The following MYH9 variants were observed in gnomAD, a reference collection of about 807,000 sequenced individuals.
The protein encoded by MYH9 is myosin-9.
MYH9 carries 29 observed loss-of-function variants against 241.9 expected under a neutral mutation model. That is an observed-to-expected ratio of 0.12 (90% CI 0.09 to 0.16). The LOEUF is 0.16. Among genes scored for constraint, MYH9 ranks in the 10% least tolerant of loss-of-function variants. MYH9 has a pLI of 1.00. For synonymous variants in MYH9, 1,047 were observed against 1,062.6 expected, an observed-to-expected ratio of 0.99 and a Z score of 0.29; for missense variants, 1,803 against 2,595.5, an observed-to-expected ratio of 0.69 and a Z score of 6.63.
At chr22:36,364,525 G>T (rs529357553) in intron 1 of MYH9, among the ~76,000 whole-genome samples, 7 of 152,232 alleles carry the variant, frequency 4.6e-5, no homozygotes, top group Admixed American at 4.6e-4. Flanking sequence ...CCCTTAGCAG[G>T]ACAGACAGCA....
chr22:36,313,195 G>A (rs2017093619), intron 13 of MYH9, among the ~76,000 whole-genome samples: 1 of 151,646 alleles, frequency 6.6e-6, no homozygotes, highest in Admixed American at 6.6e-5. Flanking sequence ...CAGGCGCGGT[G>A]GCTCACACCT....
intron 2 of MYH9, among the ~76,000 whole-genome samples, chr22:36,347,216 T>C (rs1266433270): frequency 2.6e-5 from 4 of 151,994 alleles, no homozygotes; most frequent in Non-Finnish European, 4.4e-5. Context: ...GCATTTTCTT[T>C]CTTGCCAGAA....
chr22:36,326,433 A>C (rs2017336427), intron 5 of MYH9, 135 bp downstream of exon 5: 6 of 884,268 alleles, frequency 6.8e-6, no homozygotes, highest in South Asian at 4.0e-5. Context: ...GCCTCAATGG[A>C]AATGGGCCCA....
intron 25 of MYH9, among the ~76,000 whole-genome samples, chr22:36,296,453 C>G (rs1205715516): frequency 2.0e-5 from 3 of 151,174 alleles, no homozygotes; most frequent in African/African-American, 4.9e-5. Flanking sequence ...CCAGGCTGGT[C>G]TCGAACTCCT....
chr22:36,303,794 AAAAAAAAAAG>A (rs1569535304), intron 19 of MYH9, among the ~76,000 whole-genome samples, 191 bp downstream of exon 19: 1 of 149,192 alleles, frequency 6.7e-6, no homozygotes, highest in African/African-American at 2.6e-5. Flanking sequence ...CAAAAAAAAA[AAAAAAAAAAG>A]AAAAAAAAAA....
intron 5 of MYH9, 92 bp from the exon 6 acceptor site, chr22:36,322,613 G>T: frequency 1.6e-6 from 2 of 1,255,342 alleles, no homozygotes; most frequent in Non-Finnish European, 2.3e-6. Flanking sequence ...GCAGAGCCGT[G>T]TCAGCATGTC....
chr22:36,344,604 G>T (rs755771586), intron 2 of MYH9, among the ~76,000 whole-genome samples: 1 of 152,244 alleles, frequency 6.6e-6, no homozygotes, highest in Non-Finnish European at 1.5e-5. Context: ...CTGGTGAGAG[G>T]CAGGAGGAAC....
intron 3 of MYH9, among the ~76,000 whole-genome samples, chr22:36,336,018 G>A (rs940627702): frequency 3.9e-5 from 6 of 152,216 alleles, no homozygotes; most frequent in Non-Finnish European, 7.3e-5. Flanking sequence ...ACCACCTCTG[G>A]TGCAGCTTCC....
intron 3 of MYH9, among the ~76,000 whole-genome samples, chr22:36,340,273 A>G (rs2017564169): frequency 6.6e-6 from 1 of 151,866 alleles, no homozygotes; most frequent in African/African-American, 2.4e-5. Flanking sequence ...GAGCCTTTCT[A>G]TGATTTGTCA....
At chr22:36,289,444 C>CT in intron 31 of MYH9, 147 bp from the exon 32 acceptor site, 2 of 694,826 alleles carry the variant, frequency 2.9e-6, no homozygotes, top group Non-Finnish European at 4.8e-6. Flanking sequence ...GGGCTGTGCC[C>CT]AGGACAATAC....
At position 36,306,373 on chromosome 22, in the gene MYH9, C is replaced by A. The variant is rs2016969992; in HGVS notation, c.2037+41G>T. 1 of 1,611,602 alleles carries A rather than the reference C, an allele frequency of 6.2e-7. No individual in the cohort carries two copies. The highest frequency in any genetic ancestry group is 8.5e-7 in the Non-Finnish European group (1 of 1,178,746). The stretch of plus-strand genomic sequence containing the variant: ...ACAGACAAGGGCTGAGCACCCCACA[C>A]CACAGTGCCCTGCCCGGGCCACCCC... On this transcript the variant is annotated intron_variant, in intron 16 of 40. Transcript: ENST00000216181. The surrounding 1 kb of genome is among the most constrained non-coding windows in gnomAD (Gnocchi z 4.1).
intron 2 of MYH9, among the ~76,000 whole-genome samples, chr22:36,342,011 G>A (rs1006280382): frequency 6.6e-6 from 1 of 152,222 alleles, no homozygotes; most frequent in African/African-American, 2.4e-5. Flanking sequence ...CTGGAAAAAC[G>A]CACTGTGTCC....
At chr22:36,290,056 G>A (rs1175062662) in intron 31 of MYH9, among the ~76,000 whole-genome samples, 4 of 152,052 alleles carry the variant, frequency 2.6e-5, no homozygotes, top group Non-Finnish European at 4.4e-5. Flanking sequence ...TCCTGCCCCC[G>A]AGTCCACATC....
chr22:36,368,117 C>A (rs2018038440), intron 1 of MYH9, among the ~76,000 whole-genome samples: 1 of 152,184 alleles, frequency 6.6e-6, no homozygotes. Flanking sequence ...TCAGGAAATC[C>A]GGCAAATTAT....
chr22:36,316,097 G>C (rs1291496905), intron 12 of MYH9, among the ~76,000 whole-genome samples: 2 of 150,352 alleles, frequency 1.3e-5, no homozygotes, highest in Admixed American at 1.3e-4. Flanking sequence ...GAGTGCAATG[G>C]CGTGATCTCG....
At chr22:36,341,632 C>G in intron 2 of MYH9, 106 bp from the exon 3 acceptor site, 1 of 1,348,508 alleles carries the variant, frequency 7.4e-7, no homozygotes, top group Non-Finnish European at 1.0e-6. Context: ...CCTGAGTCAG[C>G]CTGATGTGAA....
chr22:36,348,093 G>T (rs374413574), intron 2 of MYH9, among the ~76,000 whole-genome samples: 1 of 128,360 alleles, frequency 7.8e-6, no homozygotes, highest in African/African-American at 2.9e-5. Context: ...TTTATTTTAA[G>T]ATATTTTTTA....
intron 14 of MYH9, 32 bp from the exon 15 acceptor site, chr22:36,309,428 C>T (rs1164457250): frequency 1.3e-6 from 2 of 1,539,820 alleles, no homozygotes; most frequent in South Asian, 2.2e-5. Flanking sequence ...GAGTCACAAG[C>T]TGCGCTGGGG....
Position 36,316,631 on chromosome 22 carries a change from A to G in MYH9, c.1266T>C (p.Tyr422=), listed in dbSNP as rs537840963. The change falls in exon 12 of 41, where the codon TAT becomes TAC. Residue 422 remains tyrosine (Y), a synonymous_variant. Coordinates refer to ENST00000216181, the MANE Select transcript of MYH9 (RefSeq NM_002473.6). ...FAIEALAKAT[Y]ERMFRWLVLR... ...GCACCAGCCAGCGGAACATCCGCTC[A>G]TAGGTCGCCTTGGCCAAGGCCTCGA... 6.2e-7 allele frequency: 1 copy of G among 1,614,086 alleles called. No individual in the cohort carries two copies. The highest frequency in any genetic ancestry group is 1.1e-5 in the South Asian group (1 of 91,086).
Sources: gnomAD v4.1 joint callset for allele counts (sites outside exome capture counted in the v4.1 genomes callset) on GRCh38, gnomAD v4.1.1 for gene constraint, Gnocchi (gnomAD v3.1) non-coding constraint, MANE v1.5 for transcripts, NCBI Gene and HGNC (gene_info 2026-07-23, HGNC 2026-07-21) for gene names.